Variants in MYO18B observed in about 807,000 individuals in gnomAD.
MYO18B encodes the protein myosin XVIIIB, also known as unconventional myosin-XVIIIb.
A neutral mutation model predicts 273.0 loss-of-function variants in MYO18B; 204 were observed. The ratio of observed to expected loss-of-function variants is 0.75; its 90% confidence interval spans 0.67 to 0.84. The LOEUF (loss-of-function observed/expected upper bound fraction) is 0.84, where lower values mean the gene tolerates loss of function less well. MYO18B is among the 40% of genes least tolerant of loss of function. The pLI, the probability that MYO18B is intolerant of heterozygous loss-of-function variation, is 0.00. For synonymous variants in MYO18B, 1,330 were observed against 1,305.7 expected (o/e 1.02, Z -0.40); for missense variants, 3,212 against 3,287.6 (o/e 0.98, Z 0.56).
At chr22:25,944,361 G>C (rs995229128) in intron 34 of MYO18B, among the ~76,000 whole-genome samples, 1 of 152,166 alleles carries the variant, frequency 6.6e-6, no homozygotes, top group Non-Finnish European at 1.5e-5. Context: ...TCAGGGGCTG[G>C]AAAAGGGGGT....
intron 21 of MYO18B, among the ~76,000 whole-genome samples, chr22:25,855,928 GT>G (rs1475629362): frequency 6.6e-6 from 1 of 151,630 alleles, no homozygotes; most frequent in African/African-American, 2.4e-5. Context: ...GTACAGATAA[GT>G]TCATCACCCA....
chr22:25,779,429 C>G (rs1183436727), intron 8 of MYO18B, among the ~76,000 whole-genome samples: 1 of 152,192 alleles, frequency 6.6e-6, no homozygotes, highest in Non-Finnish European at 1.5e-5. Flanking sequence ...AACTGCTGGG[C>G]TATACTGCTT....
chr22:25,986,749 G>A (rs889494207), intron 39 of MYO18B, among the ~76,000 whole-genome samples: 3 of 152,188 alleles, frequency 2.0e-5, no homozygotes, highest in Non-Finnish European at 2.9e-5. Flanking sequence ...GAAGCCAGAA[G>A]GGATTGCTGT....
chr22:25,860,881 A>G (rs982785023), intron 21 of MYO18B, among the ~76,000 whole-genome samples: 3 of 147,634 alleles, frequency 2.0e-5, no homozygotes, highest in Non-Finnish European at 4.4e-5. Flanking sequence ...CTTATATATC[A>G]TTGCTATTTT....
At chr22:25,771,768 G>C (rs1449742559) in intron 6 of MYO18B, among the ~76,000 whole-genome samples, 1 of 152,232 alleles carries the variant, frequency 6.6e-6, no homozygotes, top group Non-Finnish European at 1.5e-5. Context: ...AAGCTGGAGA[G>C]AATAATAGGA....
At chr22:25,899,289 G>C (rs1290285667) in intron 29 of MYO18B, 1 of 152,210 alleles carries the variant, frequency 6.6e-6, no homozygotes, top group Non-Finnish European at 1.5e-5. Context: ...AAGTTCTCCA[G>C]CTCACTCGGT....
chr22:25,936,119 G>A (rs988474822), intron 34 of MYO18B, among the ~76,000 whole-genome samples: 1 of 152,226 alleles, frequency 6.6e-6, no homozygotes, highest in Non-Finnish European at 1.5e-5. Context: ...TGCTGTTTAG[G>A]GGAGCAAAGG....
chr22:26,016,173 A>G (rs1006960259), intron 42 of MYO18B, among the ~76,000 whole-genome samples: 1 of 152,232 alleles, frequency 6.6e-6, no homozygotes, highest in Non-Finnish European at 1.5e-5. Flanking sequence ...GTTGAATCCA[A>G]ATTGAATCTA....
chr22:25,858,095 A>G (rs1453941695), intron 21 of MYO18B, among the ~76,000 whole-genome samples: 1 of 152,244 alleles, frequency 6.6e-6, no homozygotes, highest in Non-Finnish European at 1.5e-5. Context: ...TTGAGCATAA[A>G]TAGTTAAAAA....
chr22:25,895,419 C>T lies in MYO18B; in HGVS notation c.4668+139C>T, dbSNP rs2091775971. The T allele has an allele frequency of 8.2e-6, 8 of 970,368 alleles. No individual in the cohort carries two copies. The Admixed American group carries it at 8.3e-5, about 10-fold the overall frequency. 60.1% of individuals were successfully genotyped at this position (970,368 alleles called of 1,614,324 possible). ...AAACCCCTTAAGGTTTTTCCATCTC[C>T]ACTATTATTACAAATGCTGGTCACT... On this transcript the variant is annotated intron_variant, in intron 28 of 43. Coordinates refer to ENST00000335473, the MANE Select transcript of MYO18B (RefSeq NM_032608.7).
At chr22:25,829,414 T>C (rs1392660746) in intron 15 of MYO18B, among the ~76,000 whole-genome samples, 1 of 151,622 alleles carries the variant, frequency 6.6e-6, no homozygotes, top group Non-Finnish European at 1.5e-5. Flanking sequence ...TGAAGGTACA[T>C]GCATCACAAA....
intron 34 of MYO18B, among the ~76,000 whole-genome samples, chr22:25,941,208 C>T (rs978769032): frequency 2.6e-5 from 4 of 152,154 alleles, no homozygotes; most frequent in Non-Finnish European, 5.9e-5. Context: ...CACACTAGGT[C>T]GGGAGACAGA....
At chr22:25,758,784 G>A (rs990540552) in intron 1 of MYO18B, among the ~76,000 whole-genome samples, 27 of 150,774 alleles carry the variant, frequency 1.8e-4, no homozygotes, top group Admixed American at 7.3e-4. Flanking sequence ...TGGAGACAGA[G>A]TCTCACTCTG....
chr22:25,910,028 G>A (rs1196786823), intron 32 of MYO18B, among the ~76,000 whole-genome samples: 1 of 152,156 alleles, frequency 6.6e-6, no homozygotes, highest in Non-Finnish European at 1.5e-5. Context: ...GGTGGGGGTG[G>A]TCTGCAAAGC....
the MYO18B span, among the ~76,000 whole-genome samples, chr22:26,041,487 G>A: frequency 5.3e-4 from 81 of 152,116 alleles, 1 homozygote; most frequent in Non-Finnish European, 9.4e-4. Context: ...AACCAAGACT[G>A]TGCCACTGCA....
chr22:25,832,452 G>C (rs749162560), intron 15 of MYO18B, among the ~76,000 whole-genome samples: 2 of 152,086 alleles, frequency 1.3e-5, no homozygotes, highest in African/African-American at 4.8e-5. Context: ...CAAAAGGAAG[G>C]ACATTCTGAT....
chr22:25,819,132 A>T lies in MYO18B; in HGVS notation c.2522-4373A>T, dbSNP rs377617286. 1.4e-3 allele frequency among the ~76,000 whole-genome samples: 220 copies of T among 152,272 alleles called. 10 individuals are homozygous for T. The South Asian group carries it at 0.045, about 31-fold the overall frequency. On this transcript the variant is annotated intron_variant, in intron 12 of 43. Transcript: ENST00000335473. ...TGGGATTGGATTTTGTGCACCGGCC[A>T]GCCTTCGGGGAGCTGATAGTAGAAG...
At chr22:25,868,264 C>G in intron 21 of MYO18B, 56 bp from the exon 22 acceptor site, 1 of 1,479,010 alleles carries the variant, frequency 6.8e-7, no homozygotes, top group East Asian at 2.4e-5. Flanking sequence ...TGACTTTCCC[C>G]TTTAGGATCC....
chr22:25,829,522 T>TAAAAAA (rs55957728), intron 15 of MYO18B, among the ~76,000 whole-genome samples: 25 of 139,390 alleles, frequency 1.8e-4, no homozygotes, highest in African/African-American at 3.6e-4. Context: ...TCTTTTTTCA[T>TAAAAAA]AAAAAAAAAA....
Sources: gnomAD v4.1 joint callset for allele counts (sites outside exome capture counted in the v4.1 genomes callset) on GRCh38, gnomAD v4.1.1 for gene constraint, MANE v1.5 for transcripts, NCBI Gene and HGNC (gene_info 2026-07-23, HGNC 2026-07-21) for gene names.